Variants in EGF observed in about 807,000 individuals in gnomAD.
The protein encoded by EGF is pro-epidermal growth factor.
In EGF, 95 loss-of-function variants were observed where a neutral mutation model predicts 143.8. The ratio of observed to expected loss-of-function variants is 0.66; its 90% confidence interval spans 0.56 to 0.78. The LOEUF (loss-of-function observed/expected upper bound fraction) is 0.78, where lower values mean the gene tolerates loss of function less well. Among genes scored for constraint, EGF ranks in the 30% least tolerant of loss-of-function variants. The pLI is 0.00. For synonymous variants in EGF, 510 were observed against 510.5 expected (o/e 1.00, Z 0.01); for missense variants, 1,320 against 1,470.9 (o/e 0.90, Z 1.68).
intron 21 of EGF, among the ~76,000 whole-genome samples, chr4:110,003,378 G>A (rs540050798): frequency 2.0e-4 from 31 of 151,980 alleles, no homozygotes; most frequent in Non-Finnish European, 3.8e-4. Flanking sequence ...AAATTATAAC[G>A]TTGTACCTTT....
intron 21 of EGF, chr4:110,001,521 A>T (rs1752569859): frequency 2.8e-6 from 2 of 723,372 alleles, no homozygotes; most frequent in Non-Finnish European, 3.4e-6. Context: ...GATCATTGCC[A>T]AAGGGCAGGA....
chr4:109,994,806 C>T lies in EGF; in HGVS notation c.2931C>T (p.Pro977=), dbSNP rs1251629116. 1 of 1,614,138 alleles carries T rather than the reference C, an allele frequency of 6.2e-7. No individual in the cohort carries two copies. The highest frequency in any genetic ancestry group is 2.2e-5 in the East Asian group (1 of 44,882). ...YSVRNSDSEC[P]LSHDGYCLHD... ...TAAGAAATAGTGACTCTGAATGTCC[C>T]CTGTCCCACGATGGGTACTGCCTCC... is the stretch of plus-strand genomic sequence containing the variant. Residue 977 remains proline, a synonymous_variant, in exon 20 of 24, where the codon CCC becomes CCT. Coordinates refer to ENST00000265171, the MANE Select transcript of EGF (RefSeq NM_001963.6).
chr4:110,005,734 T>C (rs994558844), intron 22 of EGF, among the ~76,000 whole-genome samples: 1 of 152,168 alleles, frequency 6.6e-6, no homozygotes, highest in Non-Finnish European at 1.5e-5. Flanking sequence ...AAGGACTGAT[T>C]CAGTGTGTGC....
At chr4:109,966,173 A>T (rs1746541292) in intron 10 of EGF, among the ~76,000 whole-genome samples, 1 of 151,984 alleles carries the variant, frequency 6.6e-6, no homozygotes, top group African/African-American at 2.4e-5. Context: ...CATTGTTCCC[A>T]TAGGTAGTAT....
At chr4:109,944,934 A>G in intron 4 of EGF, 139 bp from the exon 5 acceptor site, 2 of 890,870 alleles carry the variant, frequency 2.2e-6, no homozygotes, top group South Asian at 1.5e-5. Flanking sequence ...AACTTAATAT[A>G]CTTTTCTAAA....
chr4:109,951,878 C>G (rs1399336608), intron 5 of EGF, among the ~76,000 whole-genome samples: 1 of 152,086 alleles, frequency 6.6e-6, no homozygotes, highest in Non-Finnish European at 1.5e-5. Flanking sequence ...TTATCCATGG[C>G]CTTCTGGTAG....
At chr4:109,920,622 T>C (rs1737609030) in intron 1 of EGF, among the ~76,000 whole-genome samples, 1 of 151,684 alleles carries the variant, frequency 6.6e-6, no homozygotes, top group Non-Finnish European at 1.5e-5. Flanking sequence ...TAATTATTAC[T>C]CCAAATTTGG....
In EGF at chr4:110,013,511, ATCT is replaced by A. The variant is rs888002196; in HGVS notation, c.*2064_*2066del. On this transcript the variant is annotated 3_prime_UTR_variant, in exon 24 of 24. Transcript: ENST00000265171. ...AATCACCAAGGCACCCTGCAGAGAT[ATCT>A]TCTTCTTGCAACTTCACATCTTTAT... 1.3e-5 allele frequency among the ~76,000 whole-genome samples: 2 copies of A among 152,158 alleles called. No individual in the cohort carries two copies. The highest frequency in any genetic ancestry group is 2.9e-5 in the Non-Finnish European group (2 of 68,020).
intron 5 of EGF, among the ~76,000 whole-genome samples, chr4:109,952,017 C>T (rs890664454): frequency 6.6e-5 from 10 of 151,924 alleles, no homozygotes; most frequent in African/African-American, 2.4e-4. Flanking sequence ...TTACTTCTCC[C>T]CGGCTGTCCG....
intron 11 of EGF, among the ~76,000 whole-genome samples, chr4:109,969,568 G>A (rs1049115724): frequency 1.3e-5 from 2 of 151,868 alleles, no homozygotes; most frequent in Admixed American, 6.6e-5. Flanking sequence ...AAACCTGCAC[G>A]TTCTGCACAT....
intron 8 of EGF, 144 bp from the exon 9 acceptor site, chr4:109,963,029 C>A: frequency 1.1e-6 from 1 of 944,780 alleles, no homozygotes; most frequent in Non-Finnish European, 1.6e-6. Context: ...AGTGCCATTG[C>A]ACTCCAGCCT....
At chr4:109,914,354 T>C (rs1202242768) in intron 1 of EGF, among the ~76,000 whole-genome samples, 1 of 152,162 alleles carries the variant, frequency 6.6e-6, no homozygotes, top group East Asian at 1.9e-4. Flanking sequence ...AAGAGGTAGA[T>C]TGAGGGGGAA....
intron 5 of EGF, among the ~76,000 whole-genome samples, chr4:109,952,081 A>T (rs1008091857): frequency 1.3e-5 from 2 of 152,136 alleles, no homozygotes; most frequent in Non-Finnish European, 2.9e-5. Context: ...TAAACTTATT[A>T]GCCAGATATC....
intron 5 of EGF, among the ~76,000 whole-genome samples, chr4:109,951,907 A>G (rs1470554402): frequency 3.3e-5 from 5 of 152,202 alleles, no homozygotes; most frequent in East Asian, 1.9e-4. Flanking sequence ...TTCAGTTTGC[A>G]CAGATCATGG....
At chr4:109,980,727 T>C in intron 14 of EGF, 99 bp from the exon 15 acceptor site, 1 of 1,376,112 alleles carries the variant, frequency 7.3e-7, no homozygotes. Context: ...TTTCTCTCCC[T>C]AAAAGCTATA....
chr4:109,932,101 G>A (rs1173452522), intron 1 of EGF, among the ~76,000 whole-genome samples: 1 of 151,760 alleles, frequency 6.6e-6, no homozygotes. Context: ...TATTATTGCT[G>A]TTAGTAAGAT....
chr4:109,974,097 T>C (rs897050497), intron 11 of EGF, among the ~76,000 whole-genome samples: 3 of 152,218 alleles, frequency 2.0e-5, no homozygotes, highest in African/African-American at 7.2e-5. Flanking sequence ...ATAAGTAATC[T>C]AGAGATGATT....
chr4:109,958,644 C>T (rs1745171934), intron 5 of EGF, among the ~76,000 whole-genome samples: 1 of 151,992 alleles, frequency 6.6e-6, no homozygotes, highest in Non-Finnish European at 1.5e-5. Flanking sequence ...AAAAAGTATT[C>T]TTGGCCAGGC....
At chr4:109,993,398 G>A in intron 19 of EGF, 29 bp downstream of exon 19, 1 of 1,612,274 alleles carries the variant, frequency 6.2e-7, no homozygotes, top group Non-Finnish European at 8.5e-7. Flanking sequence ...TACAGTGAAG[G>A]GGAGGGACTT....
Sources: allele counts gnomAD v4.1 joint callset (sites outside exome capture counted in the v4.1 genomes callset), GRCh38; gene constraint gnomAD v4.1.1; transcripts MANE v1.5; gene names NCBI Gene and HGNC (gene_info 2026-07-23, HGNC 2026-07-21).